MLPH: variants seen among roughly 807,000 people sequenced by gnomAD.
MLPH encodes melanophilin.
In MLPH, 51 loss-of-function variants were observed where a neutral mutation model predicts 72.1. The ratio of observed to expected loss-of-function variants is 0.71; its 90% CI spans 0.56 to 0.89. MLPH has a LOEUF of 0.89. Ranked by LOEUF, MLPH falls within the 40% of genes least tolerant of loss-of-function variation. The pLI is 0.00. For missense variants in MLPH, 743 were observed against 759.9 expected (o/e 0.98, Z 0.26); for synonymous variants, 301 against 310.1 (o/e 0.97, Z 0.31).
In MLPH at chr2:237,510,679, G is replaced by A. The variant is rs1215463382; in HGVS notation, c.216G>A (p.Gln72=). ...THCARCLQPY[Q]LLVNSKRQCL... ...GCGCCCGCTGCCTGCAGCCCTACCA[G>A]CTGCTTGTGAATAGCAAAAGGCAGT... The change falls in exon 3 of 16, where the codon CAG becomes CAA. Residue 72 remains glutamine, a synonymous_variant. Transcript: ENST00000264605. This position sits in a 1 kb window ranked among gnomAD's most constrained non-coding sequence, Gnocchi z 4.4. 9.3e-6 allele frequency: 15 copies of A among 1,613,796 alleles called. No individual in the cohort carries two copies. The East Asian group carries it at 3.3e-4, about 36-fold the overall frequency.
chr2:237,521,914 A>G (rs78337632), intron 6 of MLPH, among the ~76,000 whole-genome samples: 1,627 of 126,814 alleles, frequency 0.013, 51 homozygotes, highest in South Asian at 0.055. Context: ...ACCTGCTACA[A>G]CTATAGTGCT....
chr2:237,511,091 G>A lies in MLPH; in HGVS notation c.435G>A (p.Leu145=), dbSNP rs201212831. 5 of 1,613,436 alleles carry A rather than the reference G, an allele frequency of 3.1e-6. No homozygotes were observed. Among genetic ancestry groups the A allele is most frequent in the Non-Finnish European group, 4.2e-6 (5 of 1,179,570 alleles). ...AKVIRSLHGR[L]QGGAGPELIS... The stretch of plus-strand genomic sequence containing the variant: ...TCATCCGGTCCCTCCACGGGCGGCT[G>A]CAGGGTGGAGGTAAGGAGTGGAGAG... The change falls in exon 4 of 16, where the codon CTG becomes CTA. Residue 145 remains leucine, a synonymous_variant. Transcript: ENST00000264605.
intron 14 of MLPH, chr2:237,552,133 A>C: frequency 1.8e-6 from 1 of 545,720 alleles, no homozygotes; most frequent in Non-Finnish European, 3.3e-6. Context: ...TGCCAGAGCA[A>C]AGGAGAAAGA....
At chr2:237,519,841 G>A (rs2080139905) in intron 5 of MLPH, 69 bp from the exon 6 acceptor site, 2 of 1,611,396 alleles carry the variant, frequency 1.2e-6, no homozygotes, top group East Asian at 2.2e-5. Flanking sequence ...TTGGGGAGGT[G>A]CAGGGTATTT....
chr2:237,487,962 C>T (rs1187184332), intron 1 of MLPH, among the ~76,000 whole-genome samples: 1 of 152,112 alleles, frequency 6.6e-6, no homozygotes. Flanking sequence ...CTGGGCCCAC[C>T]AGGGAGGTGT....
intron 12 of MLPH, among the ~76,000 whole-genome samples, chr2:237,546,045 A>G (rs1559378486): frequency 1.3e-5 from 2 of 152,234 alleles, no homozygotes; most frequent in African/African-American, 4.8e-5. Context: ...GACATGAGAC[A>G]TCAATCAGTA....
In MLPH at chr2:237,525,948, C is replaced by T. The variant is rs575947321; in HGVS notation, c.880+143C>T. 1.5e-5 allele frequency: 13 copies of T among 840,776 alleles called. No homozygotes were observed. In the Admixed American group the frequency reaches 1.6e-4, roughly 11 times the overall value. The allele number at this position is 840,776 out of a possible 1,614,324, so 52.1% of individuals were successfully genotyped here. A position where few individuals can be genotyped will look rare whatever the true frequency, so the allele number is the denominator to read the frequency against. On this transcript the variant is annotated intron_variant, in intron 7 of 15. Coordinates refer to ENST00000264605, the MANE Select transcript of MLPH (RefSeq NM_024101.7). ...CTTTGGCGTGATTGTCCGGGACGTG[C>T]AGTCCCAGCAAACACCGTGGACACC...
At chr2:237,493,659 C>T (rs895578532) in intron 2 of MLPH, 123 bp downstream of exon 2, 3 of 736,822 alleles carry the variant, frequency 4.1e-6, no homozygotes, top group Non-Finnish European at 7.4e-6. Context: ...GGACAGGAAG[C>T]CAGGTCTGGG....
At chr2:237,513,370 G>A (rs865794228) in intron 4 of MLPH, among the ~76,000 whole-genome samples, 9 of 152,052 alleles carry the variant, frequency 5.9e-5, no homozygotes, top group Non-Finnish European at 1.0e-4. Flanking sequence ...CCCTACCCCC[G>A]TGCCTTCCCT....
upstream of MLPH, among the ~76,000 whole-genome samples, chr2:237,486,910 G>T (rs571788659): frequency 1.6e-4 from 25 of 152,266 alleles, no homozygotes; most frequent in African/African-American, 5.8e-4. Context: ...AAATTTCGAC[G>T]ATGTGCCGCG....
At chr2:237,502,242 T>G (rs1207830614) in intron 2 of MLPH, among the ~76,000 whole-genome samples, 1 of 152,248 alleles carries the variant, frequency 6.6e-6, no homozygotes, top group African/African-American at 2.4e-5. Context: ...TGTTATTATT[T>G]TTTAATGTTC....
chr2:237,526,544 C>G (rs1175787484), intron 7 of MLPH, among the ~76,000 whole-genome samples: 1 of 152,168 alleles, frequency 6.6e-6, no homozygotes, highest in Non-Finnish European at 1.5e-5. Context: ...TTAAATGAAT[C>G]TACTTTGGCC....
intron 2 of MLPH, among the ~76,000 whole-genome samples, chr2:237,496,551 G>A (rs1285357462): frequency 1.3e-5 from 2 of 152,198 alleles, no homozygotes; most frequent in Non-Finnish European, 2.9e-5. Context: ...GTACTCTTAG[G>A]AAAGGACTTT....
intron 2 of MLPH, among the ~76,000 whole-genome samples, chr2:237,499,151 T>C (rs1416663412): frequency 1.3e-5 from 2 of 152,156 alleles, no homozygotes; most frequent in East Asian, 3.8e-4. Flanking sequence ...TCCTGTGTGA[T>C]TTAAACTGCT....
Position 237,511,029 on chromosome 2 carries a change from G to A in MLPH, c.373G>A (p.Val125Met), listed in dbSNP as rs140573748. The change falls in exon 4 of 16, where the codon GTG becomes ATG. Residue 125 changes from valine to methionine, a missense_variant. By Grantham distance (21) the Val-to-Met change is conservative. Coordinates refer to ENST00000264605, the MANE Select transcript of MLPH (RefSeq NM_024101.7). Reference sequence around the variant, plus strand: ...CTCACTGGAGTGGTACTATGAGCATGTGAAAGCCCGCTTCAAGAGGTTCGG... The same window carrying A: ...CTCACTGGAGTGGTACTATGAGCATATGAAAGCCCGCTTCAAGAGGTTCGG... ...IGSLEWYYEH[V>M]KARFKRFGSA... The A allele has an allele frequency of 4.5e-5, 72 of 1,613,950 alleles. No homozygotes were observed. Among genetic ancestry groups the A allele is most frequent in the Non-Finnish European group, 5.9e-5 (70 of 1,180,010 alleles).
intron 4 of MLPH, among the ~76,000 whole-genome samples, chr2:237,513,178 C>T (rs1235034138): frequency 6.6e-6 from 1 of 151,920 alleles, no homozygotes; most frequent in Non-Finnish European, 1.5e-5. Flanking sequence ...GGGCCTAATG[C>T]AGACCTTGTC....
At chr2:237,495,567 A>G (rs1480639304) in intron 2 of MLPH, among the ~76,000 whole-genome samples, 2 of 152,220 alleles carry the variant, frequency 1.3e-5, no homozygotes, top group African/African-American at 4.8e-5. Flanking sequence ...AGGGTCCGCA[A>G]CAAACCGTTA....
At chr2:237,536,242 G>A (rs892275820) in intron 9 of MLPH, among the ~76,000 whole-genome samples, 2 of 151,934 alleles carry the variant, frequency 1.3e-5, no homozygotes, top group African/African-American at 4.8e-5. Context: ...GACCCCGGCC[G>A]GAGCGGAGAG....
At chr2:237,488,925 C>T (rs1045485244) in intron 1 of MLPH, among the ~76,000 whole-genome samples, 1 of 152,186 alleles carries the variant, frequency 6.6e-6, no homozygotes, top group Non-Finnish European at 1.5e-5. Flanking sequence ...TCAGAAGCAA[C>T]CTCTGGAGGA....
Sources: allele counts gnomAD v4.1 joint callset (sites outside exome capture counted in the v4.1 genomes callset), GRCh38; gene constraint gnomAD v4.1.1; non-coding constraint Gnocchi (gnomAD v3.1); transcripts MANE v1.5; gene names NCBI Gene and HGNC (gene_info 2026-07-23, HGNC 2026-07-21).